The following NR2F1-AS1 variants were observed in gnomAD, a reference collection of about 807,000 sequenced individuals.
NR2F1-AS1 encodes the protein NR2F1 antisense RNA 1.
At chr5:93,542,810 G>T (rs1460151671) in intron 4 of NR2F1-AS1, 2 of 152,158 alleles carry the variant, frequency 1.3e-5, no homozygotes, top group Non-Finnish European at 2.9e-5. Flanking sequence ...CAAGGCTCAA[G>T]ATCCCATGTA....
chr5:93,460,674 A>G (rs1377546778), intron 4 of NR2F1-AS1, among the ~76,000 whole-genome samples: 1 of 152,200 alleles, frequency 6.6e-6, no homozygotes, highest in African/African-American at 2.4e-5. Flanking sequence ...CACCCAAAGG[A>G]CATGAACAGA....
intron 1 of NR2F1-AS1, among the ~76,000 whole-genome samples, chr5:93,564,489 T>A (rs1355920745): frequency 2.0e-5 from 3 of 152,198 alleles, no homozygotes; most frequent in Admixed American, 2.0e-4. Context: ...ATGCATGTAA[T>A]TCTAAGTTGC....
In NR2F1-AS1 at chr5:93,550,323, T is replaced by C. The variant is rs192208022; in HGVS notation, n.638+3438A>G. Among the ~76,000 whole-genome samples, 652 of 152,214 alleles carry C rather than the reference T, an allele frequency of 4.3e-3. 4 individuals are homozygous for C. The highest frequency in any genetic ancestry group is 0.027 in the Middle Eastern group (8 of 294). On this transcript the variant is annotated intron_variant and non_coding_transcript_variant, in intron 4 of 5. Transcript: ENST00000660523. ...GTTTAACGAATGGAAATACTCAAGA[T>C]TCAGGTCACTATGGGCCCTTTTCCC... is the stretch of plus-strand genomic sequence containing the variant.
At chr5:93,514,759 C>A (rs1385480930) in intron 4 of NR2F1-AS1, among the ~76,000 whole-genome samples, 1 of 151,932 alleles carries the variant, frequency 6.6e-6, no homozygotes, top group Non-Finnish European at 1.5e-5. Flanking sequence ...TTTTTTAGAA[C>A]TTTAAGCTGA....
intron 4 of NR2F1-AS1, among the ~76,000 whole-genome samples, chr5:93,466,295 A>G (rs188355302): frequency 4.0e-5 from 6 of 150,946 alleles, no homozygotes; most frequent in Admixed American, 2.0e-4. Flanking sequence ...TTCCACTGCC[A>G]TAATTTTTTT....
chr5:93,518,232 T>C (rs1032846220), intron 4 of NR2F1-AS1, among the ~76,000 whole-genome samples: 3 of 152,164 alleles, frequency 2.0e-5, no homozygotes, highest in Non-Finnish European at 2.9e-5. Context: ...AGTAATGTGA[T>C]ACAGACCTAG....
intron 4 of NR2F1-AS1, among the ~76,000 whole-genome samples, chr5:93,464,983 G>A (rs1750195006): frequency 6.6e-6 from 1 of 152,200 alleles, no homozygotes; most frequent in Non-Finnish European, 1.5e-5. Context: ...CATTCCTACA[G>A]TGGTATTTAT....
At chr5:93,464,282 T>C (rs1352702174) in intron 4 of NR2F1-AS1, among the ~76,000 whole-genome samples, 1 of 152,214 alleles carries the variant, frequency 6.6e-6, no homozygotes, top group East Asian at 1.9e-4. Context: ...ATGTGAGATG[T>C]GCCTTTTACC....
At chr5:93,511,913 T>C (rs1482935020) in intron 4 of NR2F1-AS1, among the ~76,000 whole-genome samples, 2 of 152,154 alleles carry the variant, frequency 1.3e-5, no homozygotes, top group Admixed American at 6.6e-5. Flanking sequence ...CACAGAATAA[T>C]TGTCTTCCAC....
upstream of NR2F1-AS1, chr5:93,585,188 G>C (rs772383390): frequency 7.9e-6 from 12 of 1,521,670 alleles, no homozygotes; most frequent in South Asian, 1.3e-4. Context: ...CGCAGACCCC[G>C]GGCCAGCCCG....
At chr5:93,474,731 T>C (rs1750443350) in intron 4 of NR2F1-AS1, among the ~76,000 whole-genome samples, 1 of 152,150 alleles carries the variant, frequency 6.6e-6, no homozygotes, top group South Asian at 2.1e-4. Context: ...TAATCATGAC[T>C]CTCATGACTT....
intron 4 of NR2F1-AS1, among the ~76,000 whole-genome samples, chr5:93,452,934 C>CA (rs201773862): frequency 1.1e-3 from 166 of 150,266 alleles, no homozygotes; most frequent in Non-Finnish European, 2.1e-3. Flanking sequence ...AGCATCTGTT[C>CA]AAAAAAAAAT....
chr5:93,573,060 A>G (rs1481499118), intron 1 of NR2F1-AS1, among the ~76,000 whole-genome samples: 4 of 152,312 alleles, frequency 2.6e-5, no homozygotes, highest in Admixed American at 1.3e-4. Flanking sequence ...CTCAAGCGCC[A>G]TGCACGTCAA....
intron 1 of NR2F1-AS1, among the ~76,000 whole-genome samples, chr5:93,563,639 G>C (rs1752544893): frequency 6.6e-6 from 1 of 152,130 alleles, no homozygotes; most frequent in African/African-American, 2.4e-5. Context: ...AGCAAATAAA[G>C]CAATGCCTAA....
intron 4 of NR2F1-AS1, among the ~76,000 whole-genome samples, chr5:93,549,016 T>C (rs1752160909): frequency 1.3e-5 from 2 of 152,228 alleles, no homozygotes; most frequent in South Asian, 2.1e-4. Flanking sequence ...TAAATGAATG[T>C]AATAACTGAT....
At chr5:93,534,598 C>T (rs561330021) in intron 4 of NR2F1-AS1, among the ~76,000 whole-genome samples, 11 of 152,234 alleles carry the variant, frequency 7.2e-5, no homozygotes, top group Non-Finnish European at 1.2e-4. Flanking sequence ...TTTTCATTTT[C>T]CTTACTTAGT....
At chr5:93,554,905 T>A (rs985049764) in exon 3 of NR2F1-AS1, 1 of 152,150 alleles carries the variant, frequency 6.6e-6, no homozygotes, top group Non-Finnish European at 1.5e-5. Flanking sequence ...AGGATGCAGC[T>A]CTGGGGCTCC....
chr5:93,582,349 G>A (rs1403226219), upstream of NR2F1-AS1, among the ~76,000 whole-genome samples: 1 of 151,812 alleles, frequency 6.6e-6, no homozygotes, highest in Non-Finnish European at 1.5e-5. Context: ...GGATAAATAG[G>A]AACCCTTGAT....
intron 4 of NR2F1-AS1, among the ~76,000 whole-genome samples, chr5:93,480,024 G>A (rs921699678): frequency 1.3e-5 from 2 of 151,930 alleles, no homozygotes; most frequent in African/African-American, 4.8e-5. Context: ...AATAAACAGA[G>A]TCTACAGGAC....
Sources: gnomAD v4.1 joint callset for allele counts (sites outside exome capture counted in the v4.1 genomes callset) on GRCh38, gnomAD v4.1.1 for gene constraint, MANE v1.5 for transcripts, NCBI Gene and HGNC (gene_info 2026-07-23, HGNC 2026-07-21) for gene names.